CNTN1: variants seen among roughly 807,000 people sequenced by gnomAD.
The protein encoded by CNTN1 is contactin-1.
A neutral mutation model predicts 126.4 loss-of-function variants in CNTN1; 38 were observed. That is an observed-to-expected ratio of 0.30 (90% CI 0.23 to 0.39). CNTN1 has a LOEUF of 0.39. Ranked by LOEUF, CNTN1 falls within the 10% of genes least tolerant of loss-of-function variation. CNTN1 has a pLI of 1.00. For missense variants in CNTN1, 1,009 were observed against 1,248.4 expected, an observed-to-expected ratio of 0.81 and a Z score of 2.89; for synonymous variants, 413 against 422.6, an observed-to-expected ratio of 0.98 and a Z score of 0.28.
At chr12:40,724,601 A>T (rs976461714) in intron 1 of CNTN1, among the ~76,000 whole-genome samples, 1 of 152,202 alleles carries the variant, frequency 6.6e-6, no homozygotes, top group African/African-American at 2.4e-5. Context: ...CTATCTCAAT[A>T]CTCAGTATTG....
chr12:41,007,311 C>T (rs1219036641), intron 17 of CNTN1, among the ~76,000 whole-genome samples: 8 of 152,136 alleles, frequency 5.3e-5, no homozygotes, highest in East Asian at 3.9e-4. Flanking sequence ...CCGCCCGCCT[C>T]GGCCTCCCAA....
chr12:40,943,580 T>C lies in CNTN1; in HGVS notation c.1380-17T>C. On this transcript the variant is annotated splice_polypyrimidine_tract_variant and intron_variant, in intron 12 of 23. Coordinates refer to ENST00000551295, the MANE Select transcript of CNTN1 (RefSeq NM_001843.4). ...CTAAATCAGGTTTGTGAATTATATA[T>C]ATTTTTATTTCACTAGAATACTCAT... The C allele has an allele frequency of 6.6e-7, 1 of 1,526,590 alleles. No individual in the cohort carries two copies. The highest frequency in any genetic ancestry group is 1.1e-5 in the South Asian group (1 of 88,906). The allele number at this position is 1,526,590 out of a possible 1,614,324, so 94.6% of individuals were successfully genotyped here.
intron 15 of CNTN1, among the ~76,000 whole-genome samples, chr12:40,960,017 C>G (rs1259779693): frequency 6.6e-6 from 1 of 152,068 alleles, no homozygotes; most frequent in African/African-American, 2.4e-5. Flanking sequence ...AGTATTCCTT[C>G]CATGTCTTTT....
At chr12:41,052,996 A>G (rs1949720511) in intron 23 of CNTN1, among the ~76,000 whole-genome samples, 5 of 151,904 alleles carry the variant, frequency 3.3e-5, no homozygotes, top group Admixed American at 3.3e-4. Context: ...GCACTTACAT[A>G]TTTAGTAAAA....
chr12:40,782,648 T>C (rs1668654323), intron 1 of CNTN1, among the ~76,000 whole-genome samples: 1 of 151,940 alleles, frequency 6.6e-6, no homozygotes. Context: ...AAAATTGGGT[T>C]ACCCAAGTAG....
intron 1 of CNTN1, among the ~76,000 whole-genome samples, chr12:40,904,240 A>T (rs201396972): frequency 6.6e-6 from 1 of 151,712 alleles, no homozygotes; most frequent in Non-Finnish European, 1.5e-5. Context: ...GGATGGTCTC[A>T]ATCTCCTGAC....
rs1172982522 is a variant in CNTN1, at chr12:40,749,963, C to G, written c.-77+57371C>G. Among the ~76,000 whole-genome samples the G allele has an allele frequency of 2.0e-5, 3 of 151,988 alleles. No individual in the cohort carries two copies. In the East Asian group the frequency reaches 5.8e-4, roughly 29 times the overall value. On this transcript the variant is annotated intron_variant, in intron 1 of 23. Coordinates refer to ENST00000551295, the MANE Select transcript of CNTN1 (RefSeq NM_001843.4). ...GGAGTGATCCACTGTCTCAAATTCT[C>G]CTACTAGTCCCTATAAGATGAGAAC...
chr12:40,965,001 G>T lies in CNTN1; in HGVS notation c.1804+5767G>T, dbSNP rs138806087. Among the ~76,000 whole-genome samples, 10 of 152,070 alleles carry T rather than the reference G, an allele frequency of 6.6e-5. No individual in the cohort carries two copies. In the East Asian group the frequency reaches 1.9e-3, roughly 29 times the overall value. ...TCTGAAGCATTTACTTGGAGATGATGGTCCAGGAAAATTAGTATTCTTTTT... is the reference window on the plus strand; with the variant it reads ...TCTGAAGCATTTACTTGGAGATGATTGTCCAGGAAAATTAGTATTCTTTTT... On this transcript the variant is annotated intron_variant, in intron 15 of 23. Transcript: ENST00000551295.
At chr12:40,794,357 C>T (rs1265492773) in intron 1 of CNTN1, among the ~76,000 whole-genome samples, 1 of 151,828 alleles carries the variant, frequency 6.6e-6, no homozygotes, top group East Asian at 1.9e-4. Context: ...TGTTTTATTC[C>T]TCTCAAGATA....
chr12:41,019,113 G>T (rs549066873), intron 19 of CNTN1, among the ~76,000 whole-genome samples: 1 of 152,096 alleles, frequency 6.6e-6, no homozygotes, highest in Non-Finnish European at 1.5e-5. Context: ...CCGAGATCGC[G>T]CCATTGCACT....
At chr12:40,695,320 C>A (rs952599289) in intron 1 of CNTN1, among the ~76,000 whole-genome samples, 2 of 152,156 alleles carry the variant, frequency 1.3e-5, no homozygotes, top group Non-Finnish European at 2.9e-5. Context: ...GCTTTATGAT[C>A]CTCTCCATGA....
chr12:40,959,173 C>T lies in CNTN1; in HGVS notation c.1743C>T (p.Tyr581=), dbSNP rs775896318. Residue 581 remains tyrosine (Y), a synonymous_variant, in exon 15 of 24, where the codon TAC becomes TAT. Transcript: ENST00000551295. The part of the protein sequence containing the change: ...RNAQLKHAGR[Y]TCTAQTIVDN... Reference sequence around the variant, plus strand: ...CGCAGCTGAAACATGCTGGAAGATACACATGCACTGCCCAGACAATTGTGG... The same window carrying T: ...CGCAGCTGAAACATGCTGGAAGATATACATGCACTGCCCAGACAATTGTGG... 6.2e-6 allele frequency: 10 copies of T among 1,612,774 alleles called. No individual in the cohort carries two copies. In the South Asian group the frequency reaches 9.9e-5, roughly 16 times the overall value.
intron 14 of CNTN1, among the ~76,000 whole-genome samples, chr12:40,953,643 C>G (rs1946765597): frequency 6.6e-6 from 1 of 151,968 alleles, no homozygotes; most frequent in African/African-American, 2.4e-5. Context: ...AGTTAATTTT[C>G]AAACTAGTTT....
chr12:40,943,959 C>T (rs745469379), intron 13 of CNTN1, 36 bp from the exon 14 acceptor site: 1 of 1,580,066 alleles, frequency 6.3e-7, no homozygotes. Flanking sequence ...TGTCTTATAT[C>T]TTCTTGAATT....
intron 1 of CNTN1, among the ~76,000 whole-genome samples, chr12:40,798,152 T>G (rs558299862): frequency 1.3e-5 from 2 of 151,876 alleles, no homozygotes; most frequent in Non-Finnish European, 2.9e-5. Flanking sequence ...CTTCAAACTT[T>G]AAAGCATGAT....
intron 1 of CNTN1, among the ~76,000 whole-genome samples, chr12:40,788,537 A>C (rs1027334506): frequency 1.3e-5 from 2 of 152,066 alleles, no homozygotes; most frequent in African/African-American, 4.8e-5. Context: ...AGCCTCAGTC[A>C]AGAACAGAAA....
chr12:40,905,681 T>A (rs1490340706), intron 1 of CNTN1, among the ~76,000 whole-genome samples: 4 of 152,146 alleles, frequency 2.6e-5, no homozygotes, highest in Non-Finnish European at 5.9e-5. Flanking sequence ...CAAAGTCAAT[T>A]GCTTGATTGG....
chr12:40,962,561 A>G (rs1947141746), intron 15 of CNTN1, among the ~76,000 whole-genome samples: 1 of 152,120 alleles, frequency 6.6e-6, no homozygotes, highest in Non-Finnish European at 1.5e-5. Flanking sequence ...TGTGTCATGT[A>G]TGGTAGGATT....
chr12:40,850,231 A>G (rs1942668523), intron 1 of CNTN1, among the ~76,000 whole-genome samples: 1 of 152,128 alleles, frequency 6.6e-6, no homozygotes, highest in East Asian at 1.9e-4. Context: ...TTATGAAATT[A>G]ACTTATGACA....
Sources: allele counts gnomAD v4.1 joint callset (sites outside exome capture counted in the v4.1 genomes callset), GRCh38; gene constraint gnomAD v4.1.1; transcripts MANE v1.5; gene names NCBI Gene and HGNC (gene_info 2026-07-23, HGNC 2026-07-21).